Variants in UTRN observed in about 807,000 individuals in gnomAD.
The protein encoded by UTRN is dystrophin-related protein 1.
UTRN carries 283 observed loss-of-function variants against 463.9 expected under a neutral mutation model. The observed-to-expected ratio is 0.61, with a 90% CI of 0.55 to 0.67. The LOEUF is 0.67. Ranked by LOEUF, UTRN falls within the 30% of genes least tolerant of loss-of-function variation. UTRN has a pLI of 0.00. For synonymous variants in UTRN, 1,442 were observed against 1,431.5 expected, an observed-to-expected ratio of 1.01 and a Z score of -0.17; for missense variants, 3,922 against 4,084.3, an observed-to-expected ratio of 0.96 and a Z score of 1.08.
Position 144,772,875 on chromosome 6 carries a change from G to T in UTRN, c.8557+907G>T, listed in dbSNP as rs865871286. Among the ~76,000 whole-genome samples the T allele has an allele frequency of 2.6e-5, 4 of 151,946 alleles. No individual in the cohort carries two copies. The South Asian group carries it at 6.2e-4, about 24-fold the overall frequency. ...TAAGTTTTCTCTTTGGGTAGCTAAG[G>T]AGATGCTGGAGGGAAAAACAGCACC... On this transcript the variant is annotated intron_variant, in intron 59 of 74. Coordinates refer to ENST00000367545, the MANE Select transcript of UTRN (RefSeq NM_007124.3).
intron 50 of UTRN, among the ~76,000 whole-genome samples, chr6:144,561,169 C>A (rs1799828996): frequency 1.5e-5 from 2 of 132,862 alleles, no homozygotes; most frequent in Admixed American, 8.2e-5. Flanking sequence ...GCTATTTTAG[C>A]TGTATATATT....
In UTRN at chr6:144,335,821, C is replaced by T. The variant is rs576370279; in HGVS notation, c.79+43914C>T. ...ACTGTCTTTATATCATCTTGGAAAC[C>T]CTGGAGCTGATTTGAAATACCTCTG... On this transcript the variant is annotated intron_variant, in intron 2 of 74. Transcript: ENST00000367545. 2.4e-3 allele frequency among the ~76,000 whole-genome samples: 365 copies of T among 152,208 alleles called. 2 individuals carry two copies. The highest frequency in any genetic ancestry group is 7.9e-3 in the African/African-American group (328 of 41,518).
intron 65 of UTRN, among the ~76,000 whole-genome samples, chr6:144,806,166 C>T (rs1004670758): frequency 1.3e-5 from 2 of 152,014 alleles, no homozygotes; most frequent in African/African-American, 2.4e-5. Flanking sequence ...ATTTGAAACC[C>T]ACATATCTTC....
chr6:144,734,820 C>T (rs1450655093), intron 54 of UTRN, among the ~76,000 whole-genome samples: 1 of 152,168 alleles, frequency 6.6e-6, no homozygotes, highest in Non-Finnish European at 1.5e-5. Flanking sequence ...TAAGTCATGT[C>T]ATGTGACTCA....
intron 27 of UTRN, among the ~76,000 whole-genome samples, chr6:144,482,968 G>T (rs1792050590): frequency 6.6e-6 from 1 of 151,954 alleles, no homozygotes; most frequent in Non-Finnish European, 1.5e-5. Flanking sequence ...CTAAGAGTGA[G>T]GTTTTGCTTG....
intron 51 of UTRN, among the ~76,000 whole-genome samples, chr6:144,595,224 A>T (rs893683668): frequency 6.6e-6 from 1 of 152,220 alleles, no homozygotes; most frequent in Non-Finnish European, 1.5e-5. Flanking sequence ...GAAAGCTGTT[A>T]TAGGACCAGT....
At chr6:144,316,014 T>G (rs575698320) in intron 2 of UTRN, among the ~76,000 whole-genome samples, 2 of 152,292 alleles carry the variant, frequency 1.3e-5, no homozygotes, top group Admixed American at 6.5e-5. Flanking sequence ...TACATTTCCC[T>G]CAGTTGTTTC....
Position 144,436,101 on chromosome 6 carries a change from A to C in UTRN, c.1022A>C (p.Asp341Ala). ...CAGGAGCAGGATGATATTTCTGATG[A>C]TGTTGAAGAAGTCAAAGACCAGTTT... ...TFQEQDDISD[D>A]VEEVKDQFAT... The change falls in exon 10 of 75, where the codon GAT becomes GCT. Residue 341 changes from aspartate to alanine, a missense_variant. Physicochemically the swap from Asp to Ala is moderately radical, Grantham distance 126 (BLOSUM62 -2). Transcript: ENST00000367545. The C allele has an allele frequency of 6.2e-7, 1 of 1,614,176 alleles. No homozygotes were observed. Among genetic ancestry groups the C allele is most frequent in the South Asian group, 1.1e-5 (1 of 91,088 alleles).
At chr6:144,447,431 T>C in intron 15 of UTRN, 113 bp downstream of exon 15, 1 of 1,281,508 alleles carries the variant, frequency 7.8e-7, no homozygotes. Context: ...TACCTAGCAT[T>C]AGACTGCTGC....
chr6:144,440,715 G>A (rs573684144), intron 13 of UTRN, among the ~76,000 whole-genome samples: 1 of 152,236 alleles, frequency 6.6e-6, no homozygotes, highest in South Asian at 2.1e-4. Flanking sequence ...CAGCTTCCTT[G>A]TGCATAATGA....
chr6:144,411,688 A>C (rs1783911205), intron 3 of UTRN, among the ~76,000 whole-genome samples: 1 of 152,038 alleles, frequency 6.6e-6, no homozygotes, highest in Non-Finnish European at 1.5e-5. Context: ...ACTGATTCGG[A>C]GTGTTCTCTG....
At chr6:144,511,809 T>G (rs1190370849) in intron 35 of UTRN, among the ~76,000 whole-genome samples, 1 of 152,160 alleles carries the variant, frequency 6.6e-6, no homozygotes, top group Admixed American at 6.5e-5. Flanking sequence ...TTTTATATGG[T>G]TTTATGTTCC....
chr6:144,803,131 T>G lies in UTRN; in HGVS notation c.9341T>G (p.Val3114Gly). The part of the protein sequence containing the change: ...AKGHKLHYPM[V>G]EYCIPTTSGE... The stretch of plus-strand genomic sequence containing the variant: ...GGTCACAAATTACATTACCCAATGG[T>G]GGAATATTGTATACCTGTGAGTACT... Residue 3114 changes from valine to glycine, a missense_variant, in exon 65 of 75, where the codon GTG (valine) becomes GGG (glycine). Val to Gly is a moderately radical substitution (Grantham distance 109). Transcript: ENST00000367545. The G allele has an allele frequency of 6.3e-7, 1 of 1,587,282 alleles. No homozygotes were observed. The highest frequency in any genetic ancestry group is 8.6e-7 in the Non-Finnish European group (1 of 1,167,512).
At chr6:144,502,306 A>C (rs1794270312) in intron 34 of UTRN, among the ~76,000 whole-genome samples, 1 of 151,698 alleles carries the variant, frequency 6.6e-6, no homozygotes, top group Non-Finnish European at 1.5e-5. Flanking sequence ...CATGTGCGGA[A>C]CGTGCAGGTT....
chr6:144,547,915 T>G (rs917941093), intron 46 of UTRN, among the ~76,000 whole-genome samples: 4 of 152,210 alleles, frequency 2.6e-5, no homozygotes, highest in African/African-American at 4.8e-5. Flanking sequence ...GGCTATACAT[T>G]TTAGAAAATT....
intron 2 of UTRN, among the ~76,000 whole-genome samples, chr6:144,391,215 G>T (rs1243738019): frequency 2.6e-5 from 4 of 151,986 alleles, no homozygotes; most frequent in Non-Finnish European, 5.9e-5. Flanking sequence ...GGTACTACAG[G>T]CATGTACCAC....
Position 144,291,781 on chromosome 6 carries a change from G to C in UTRN, c.-48G>C. On this transcript the variant is annotated 5_prime_UTR_variant, in exon 2 of 75. Transcript: ENST00000367545. ...CCATCGTAGGAAGTTGAAAGCCTTA[G>C]AAAGAGGACTTGGTAAAGTTTTTGG... 1.3e-6 allele frequency: 2 copies of C among 1,585,572 alleles called. No individual in the cohort carries two copies. The highest frequency in any genetic ancestry group is 1.7e-6 in the Non-Finnish European group (2 of 1,162,372).
chr6:144,413,617 T>C (rs943978657), intron 3 of UTRN, among the ~76,000 whole-genome samples: 2 of 151,752 alleles, frequency 1.3e-5, no homozygotes, highest in African/African-American at 4.8e-5. Context: ...AATTCGAGAG[T>C]TGGGTGGGGA....
At chr6:144,339,614 A>C (rs1435783507) in intron 2 of UTRN, among the ~76,000 whole-genome samples, 1 of 152,152 alleles carries the variant, frequency 6.6e-6, no homozygotes, top group African/African-American at 2.4e-5. Flanking sequence ...TAAAACTTTG[A>C]AAAATAAGAA....
Sources: allele counts gnomAD v4.1 joint callset (sites outside exome capture counted in the v4.1 genomes callset), GRCh38; gene constraint gnomAD v4.1.1; transcripts MANE v1.5; gene names NCBI Gene and HGNC (gene_info 2026-07-23, HGNC 2026-07-21).